ATXN1: variants seen among roughly 807,000 people sequenced by gnomAD.
ATXN1 encodes ataxin-1.
In ATXN1, 8 loss-of-function variants were observed where a neutral mutation model predicts 56.4. The observed-to-expected ratio is 0.14, with a 90% CI of 0.08 to 0.26. The LOEUF is 0.26. ATXN1 is among the 10% of genes least tolerant of loss of function. The pLI is 1.00. For missense variants in ATXN1, 987 were observed against 1,106.5 expected (o/e 0.89, Z 1.53); for synonymous variants, 514 against 494.6 (o/e 1.04, Z -0.52).
intron 2 of ATXN1, among the ~76,000 whole-genome samples, chr6:16,734,771 G>T (rs1168158433): frequency 6.6e-6 from 1 of 152,164 alleles, no homozygotes; most frequent in Admixed American, 6.6e-5. Context: ...TGGGATTACA[G>T]ACGTGAGCCA....
intron 6 of ATXN1, among the ~76,000 whole-genome samples, chr6:16,440,427 A>G (rs797005022): frequency 6.6e-5 from 10 of 151,836 alleles, no homozygotes; most frequent in African/African-American, 2.4e-4. Flanking sequence ...AGAACGTGGG[A>G]AAGAATTTGA....
chr6:16,653,854 T>C (rs1487432307), intron 3 of ATXN1, among the ~76,000 whole-genome samples: 1 of 152,174 alleles, frequency 6.6e-6, no homozygotes, highest in African/African-American at 2.4e-5. Context: ...CAAGCAAATA[T>C]TTCCTGGACA....
intron 5 of ATXN1, among the ~76,000 whole-genome samples, chr6:16,513,498 GCTGT>G (rs1341419119): frequency 6.6e-6 from 1 of 152,152 alleles, no homozygotes; most frequent in Non-Finnish European, 1.5e-5. Context: ...AATAGCTTAG[GCTGT>G]CTGTTTAAAT....
chr6:16,565,437 A>C (rs1012448016), intron 4 of ATXN1, among the ~76,000 whole-genome samples: 35 of 152,216 alleles, frequency 2.3e-4, no homozygotes, highest in African/African-American at 6.5e-4. Flanking sequence ...CCTAAAAAGT[A>C]ATCTCTAACA....
chr6:16,570,411 T>C (rs1431373844), intron 4 of ATXN1, among the ~76,000 whole-genome samples: 1 of 152,172 alleles, frequency 6.6e-6, no homozygotes, highest in Admixed American at 6.5e-5. Flanking sequence ...CATCTATAAG[T>C]ATAATTCAGA....
intron 7 of ATXN1, among the ~76,000 whole-genome samples, chr6:16,309,181 T>C (rs1760328033): frequency 6.7e-6 from 1 of 148,536 alleles, no homozygotes; most frequent in African/African-American, 2.5e-5. Context: ...TGAGCTATGA[T>C]CACAAGACTG....
chr6:16,741,997 C>G (rs1760355915), intron 2 of ATXN1, among the ~76,000 whole-genome samples: 1 of 152,100 alleles, frequency 6.6e-6, no homozygotes, highest in Admixed American at 6.5e-5. Flanking sequence ...AACAGGAAAG[C>G]CAAAATAAAA....
At chr6:16,592,114 T>A (rs1345271227) in intron 3 of ATXN1, among the ~76,000 whole-genome samples, 1 of 152,056 alleles carries the variant, frequency 6.6e-6, no homozygotes, top group African/African-American at 2.4e-5. Flanking sequence ...ACCACCAGCC[T>A]GTCACTCATT....
intron 4 of ATXN1, among the ~76,000 whole-genome samples, chr6:16,552,845 T>C (rs1296399408): frequency 1.3e-5 from 2 of 152,182 alleles, no homozygotes; most frequent in Non-Finnish European, 2.9e-5. Flanking sequence ...TAACTTCCAC[T>C]CACACTCATA....
chr6:16,698,091 T>A (rs1400477112), intron 2 of ATXN1, among the ~76,000 whole-genome samples: 1 of 152,202 alleles, frequency 6.6e-6, no homozygotes, highest in Non-Finnish European at 1.5e-5. Context: ...CAGCAAGAGA[T>A]CATGCACAGA....
chr6:16,308,273 C>A (rs1760302478), intron 7 of ATXN1, among the ~76,000 whole-genome samples: 1 of 151,120 alleles, frequency 6.6e-6, no homozygotes, highest in African/African-American at 2.4e-5. Flanking sequence ...CTGCAGTGAA[C>A]CGAGATCATG....
At chr6:16,324,583 T>C (rs1760758189) in intron 7 of ATXN1, among the ~76,000 whole-genome samples, 1 of 152,198 alleles carries the variant, frequency 6.6e-6, no homozygotes, top group Non-Finnish European at 1.5e-5. Flanking sequence ...GGAAGGAGGC[T>C]CTGTCCCATT....
chr6:16,589,943 G>A (rs1458618942), intron 3 of ATXN1, among the ~76,000 whole-genome samples: 1 of 152,168 alleles, frequency 6.6e-6, no homozygotes, highest in Non-Finnish European at 1.5e-5. Context: ...ATGTGTGAAG[G>A]AAGCAAAGCA....
chr6:16,440,179 T>C (rs906520973), intron 6 of ATXN1, among the ~76,000 whole-genome samples: 1 of 145,426 alleles, frequency 6.9e-6, no homozygotes, highest in African/African-American at 2.6e-5. Context: ...CCCAGGAGTC[T>C]CCAGCCTGGG....
At position 16,328,014 on chromosome 6, in the gene ATXN1, G is replaced by A. The variant is rs148765123; in HGVS notation, c.297C>T (p.Ala99=). 8.0e-4 allele frequency: 1,284 copies of A among 1,613,592 alleles called. 8 individuals are homozygous for A. The East Asian group carries it at 0.012, about 16-fold the overall frequency. Residue 99 remains alanine, a synonymous_variant, in exon 7 of 8, where the codon GCC becomes GCT. Transcript: ENST00000436367. The surrounding 1 kb of genome is among the most constrained non-coding windows in gnomAD (Gnocchi z 6.2). ...TGGCGTACGCGGCAGGCAGCGTGGT[G>A]GCCACGGGGACAGACCTGGGAGCGC... The part of the protein sequence containing the change: ...PPSAPRSVPV[A]TTLPAAYATP...
chr6:16,416,053 A>C (rs1391610863), intron 6 of ATXN1, among the ~76,000 whole-genome samples: 4 of 147,244 alleles, frequency 2.7e-5, no homozygotes, highest in Non-Finnish European at 6.0e-5. Flanking sequence ...TCGTCAGGAA[A>C]GTGTTTAATT....
At chr6:16,721,470 T>A (rs1321069040) in intron 2 of ATXN1, among the ~76,000 whole-genome samples, 1 of 151,884 alleles carries the variant, frequency 6.6e-6, no homozygotes, top group Non-Finnish European at 1.5e-5. Flanking sequence ...CTACAAAAAA[T>A]TTGAAAATGA....
intron 3 of ATXN1, among the ~76,000 whole-genome samples, chr6:16,632,818 G>C (rs918773212): frequency 6.6e-5 from 10 of 152,020 alleles, no homozygotes; most frequent in African/African-American, 2.4e-4. Flanking sequence ...TGGAGTTCGA[G>C]ACCTCGTCGC....
chr6:16,753,865 G>A (rs1226485046), intron 1 of ATXN1, among the ~76,000 whole-genome samples: 2 of 150,238 alleles, frequency 1.3e-5, no homozygotes, highest in South Asian at 2.1e-4. Context: ...AGTGTAAAGT[G>A]TGCATTTATA....
Sources: gnomAD v4.1 joint callset for allele counts (sites outside exome capture counted in the v4.1 genomes callset) on GRCh38, gnomAD v4.1.1 for gene constraint, Gnocchi (gnomAD v3.1) non-coding constraint, MANE v1.5 for transcripts, NCBI Gene and HGNC (gene_info 2026-07-23, HGNC 2026-07-21) for gene names.